The following PPFIA2 variants were observed in gnomAD, a reference collection of about 807,000 sequenced individuals.
The protein encoded by PPFIA2 is liprin-alpha-2.
Under a neutral mutation model 175.5 loss-of-function variants are expected in PPFIA2, and 46 were observed. The ratio of observed to expected loss-of-function variants is 0.26; its 90% confidence interval spans 0.21 to 0.34. The LOEUF (loss-of-function observed/expected upper bound fraction) is 0.34, where lower values mean the gene tolerates loss of function less well. Ranked by LOEUF, PPFIA2 falls within the 10% of genes least tolerant of loss-of-function variation. PPFIA2 has a pLI of 1.00. For synonymous variants in PPFIA2, 568 were observed against 511.4 expected, an observed-to-expected ratio of 1.11 and a Z score of -1.49; for missense variants, 1,179 against 1,506.1, an observed-to-expected ratio of 0.78 and a Z score of 3.60.
chr12:81,532,028 C>T (rs536936009), intron 4 of PPFIA2, among the ~76,000 whole-genome samples: 1 of 151,918 alleles, frequency 6.6e-6, no homozygotes, highest in Non-Finnish European at 1.5e-5. Context: ...GATCTCAATG[C>T]AATCCATGGC....
intron 3 of PPFIA2, among the ~76,000 whole-genome samples, chr12:81,684,482 A>C (rs1190227911): frequency 6.6e-6 from 1 of 152,138 alleles, no homozygotes; most frequent in Non-Finnish European, 1.5e-5. Flanking sequence ...CTACTTATTG[A>C]ATAATACAAT....
At position 81,621,206 on chromosome 12, in the gene PPFIA2, A is replaced by T. The variant is rs118099297; in HGVS notation, c.303+55585T>A. On this transcript the variant is annotated intron_variant, in intron 4 of 32. Coordinates refer to ENST00000549396, the MANE Select transcript of PPFIA2 (RefSeq NM_003625.5). ...GGGAGTCATAGAGGGCTCAAAGAGC[A>T]TAACAGGCAGAGAATAAGATGCAAA... Among the ~76,000 whole-genome samples the T allele has an allele frequency of 8.0e-4, 122 of 152,344 alleles. 3 individuals are homozygous for T. In the East Asian group the frequency reaches 0.018, roughly 23 times the overall value.
intron 27 of PPFIA2, chr12:81,279,198 G>C (rs1451899093): frequency 1.3e-5 from 2 of 152,100 alleles, no homozygotes; most frequent in Non-Finnish European, 1.5e-5. Flanking sequence ...ACAGAGAAAG[G>C]ATTATTTGAG....
chr12:81,481,402 A>T (rs1056547387), intron 4 of PPFIA2, among the ~76,000 whole-genome samples: 1 of 152,194 alleles, frequency 6.6e-6, no homozygotes, highest in Non-Finnish European at 1.5e-5. Flanking sequence ...TTTAAATTTC[A>T]TATGGAACCA....
intron 4 of PPFIA2, among the ~76,000 whole-genome samples, chr12:81,540,355 G>A (rs1309925201): frequency 6.6e-6 from 1 of 151,996 alleles, no homozygotes; most frequent in Non-Finnish European, 1.5e-5. Context: ...TTTGGGGAAA[G>A]TGATTTAACC....
At chr12:81,264,867 C>A (rs2136195952) in intron 30 of PPFIA2, among the ~76,000 whole-genome samples, 1 of 152,328 alleles carries the variant, frequency 6.6e-6, no homozygotes, top group Non-Finnish European at 1.5e-5. Context: ...TTCACAGTTG[C>A]AGCCTCTACG....
chr12:81,435,564 GGGA>G (rs1189018926), intron 7 of PPFIA2, among the ~76,000 whole-genome samples: 1 of 151,998 alleles, frequency 6.6e-6, no homozygotes, highest in East Asian at 1.9e-4. Context: ...TGGTGGTGGT[GGGA>G]GGAGGAGAGA....
intron 4 of PPFIA2, among the ~76,000 whole-genome samples, chr12:81,674,844 A>G (rs928641363): frequency 9.2e-5 from 14 of 151,962 alleles, no homozygotes; most frequent in Admixed American, 4.6e-4. Context: ...ATTGGGCTAA[A>G]TACCTAGATA....
intron 5 of PPFIA2, among the ~76,000 whole-genome samples, chr12:81,446,801 T>C (rs1355577804): frequency 6.6e-6 from 1 of 152,220 alleles, no homozygotes; most frequent in Non-Finnish European, 1.5e-5. Context: ...AGTTTAACTG[T>C]AATGAAAAAT....
chr12:81,751,078 AC>A (rs2083700554), intron 3 of PPFIA2, among the ~76,000 whole-genome samples: 1 of 152,066 alleles, frequency 6.6e-6, no homozygotes, highest in South Asian at 2.1e-4. Flanking sequence ...TTCCTCTATT[AC>A]TTATAGAAAA....
At chr12:81,352,889 A>C (rs1264562885) in intron 17 of PPFIA2, among the ~76,000 whole-genome samples, 1 of 152,130 alleles carries the variant, frequency 6.6e-6, no homozygotes, top group Admixed American at 6.5e-5. Context: ...TATATGTTTC[A>C]TGTATGTTCC....
At chr12:81,315,250 C>A (rs1020928351) in intron 22 of PPFIA2, among the ~76,000 whole-genome samples, 1 of 151,820 alleles carries the variant, frequency 6.6e-6, no homozygotes, top group East Asian at 1.9e-4. Context: ...CTGAATTTCA[C>A]AATGAAACTA....
intron 4 of PPFIA2, among the ~76,000 whole-genome samples, chr12:81,491,778 G>A (rs1034592987): frequency 6.6e-6 from 1 of 151,936 alleles, no homozygotes; most frequent in Non-Finnish European, 1.5e-5. Flanking sequence ...GTCGAAGACA[G>A]CACTTTATCA....
intron 22 of PPFIA2, among the ~76,000 whole-genome samples, chr12:81,313,627 A>C (rs2051522269): frequency 6.6e-6 from 1 of 152,116 alleles, no homozygotes; most frequent in African/African-American, 2.4e-5. Context: ...TTAAGACCAA[A>C]AGGAGATAGT....
intron 7 of PPFIA2, chr12:81,429,960 C>T (rs1177924491): frequency 2.6e-5 from 4 of 152,036 alleles, no homozygotes; most frequent in East Asian, 3.9e-4. Context: ...TTACAGTCTC[C>T]TTAGTTCCTA....
At chr12:81,745,750 C>T (rs2082955309) in intron 3 of PPFIA2, among the ~76,000 whole-genome samples, 1 of 152,162 alleles carries the variant, frequency 6.6e-6, no homozygotes, top group South Asian at 2.1e-4. Flanking sequence ...TGCCTTGAAA[C>T]TCCTTCATCT....
At chr12:81,277,015 C>T (rs2178480) in intron 28 of PPFIA2, among the ~76,000 whole-genome samples, 65,248 of 151,894 alleles carry the variant, frequency 0.43, 14,916 homozygotes, top group Non-Finnish European at 0.52. Flanking sequence ...AAAAGTCTGA[C>T]AAAAATATCT....
At chr12:81,405,386 G>A (rs1173530151) in intron 8 of PPFIA2, among the ~76,000 whole-genome samples, 1 of 151,768 alleles carries the variant, frequency 6.6e-6, no homozygotes. Context: ...CAATTCAAAA[G>A]TGTTGTTTTG....
At chr12:81,721,116 G>A (rs1041581426) in intron 3 of PPFIA2, among the ~76,000 whole-genome samples, 1 of 150,436 alleles carries the variant, frequency 6.6e-6, no homozygotes, top group African/African-American at 2.4e-5. Flanking sequence ...TTGCCTAGCT[G>A]CAGCTATCAG....
Sources: gnomAD v4.1 joint callset for allele counts (sites outside exome capture counted in the v4.1 genomes callset) on GRCh38, gnomAD v4.1.1 for gene constraint, MANE v1.5 for transcripts, NCBI Gene and HGNC (gene_info 2026-07-23, HGNC 2026-07-21) for gene names.